The following CSMD2 variants were observed in gnomAD, a reference collection of about 807,000 sequenced individuals.
The protein encoded by CSMD2 is CUB and sushi domain-containing protein 2.
Under a neutral mutation model 398.5 loss-of-function variants are expected in CSMD2, and 130 were observed. The observed-to-expected ratio is 0.33, with a 90% CI of 0.28 to 0.38. The LOEUF (loss-of-function observed/expected upper bound fraction) is 0.38, where lower values mean the gene tolerates loss of function less well. Ranked by LOEUF, CSMD2 falls within the 10% of genes least tolerant of loss-of-function variation. The pLI is 1.00. For missense variants in CSMD2, 3,829 were observed against 4,764.9 expected (o/e 0.80, Z 5.78); for synonymous variants, 1,828 against 1,908.5 (o/e 0.96, Z 1.10).
chr1:34,069,100 T>C (rs1655431596), intron 2 of CSMD2, among the ~76,000 whole-genome samples: 1 of 152,216 alleles, frequency 6.6e-6, no homozygotes, highest in South Asian at 2.1e-4. Flanking sequence ...GCAGCCTGCA[T>C]GACATTGTTC....
At chr1:33,936,534 C>T (rs1644485625) in intron 3 of CSMD2, among the ~76,000 whole-genome samples, 1 of 152,176 alleles carries the variant, frequency 6.6e-6, no homozygotes, top group Non-Finnish European at 1.5e-5. Context: ...ATCAGCCTGA[C>T]TGGTTTAAAG....
chr1:33,698,728 C>T (rs369158781), intron 24 of CSMD2, 25 bp downstream of exon 24: 93 of 1,597,586 alleles, frequency 5.8e-5, no homozygotes, highest in Non-Finnish European at 7.5e-5. Context: ...CCCAAGGGTT[C>T]CCTGCAGAGG....
At chr1:33,943,018 A>G (rs1282183366) in intron 3 of CSMD2, among the ~76,000 whole-genome samples, 1 of 152,196 alleles carries the variant, frequency 6.6e-6, no homozygotes, top group Non-Finnish European at 1.5e-5. Context: ...TGGAGCCAGC[A>G]TTCTAGAATG....
intron 3 of CSMD2, among the ~76,000 whole-genome samples, chr1:33,964,598 C>T (rs1265172190): frequency 2.0e-5 from 3 of 152,216 alleles, no homozygotes; most frequent in African/African-American, 7.2e-5. Flanking sequence ...AACAAGACTT[C>T]TGCTTTTTTG....
intron 19 of CSMD2, among the ~76,000 whole-genome samples, chr1:33,720,677 G>C (rs1204031484): frequency 6.6e-6 from 1 of 152,168 alleles, no homozygotes; most frequent in Non-Finnish European, 1.5e-5. Context: ...CTATGAGGCT[G>C]TGCCAGCTAT....
intron 3 of CSMD2, among the ~76,000 whole-genome samples, chr1:34,016,317 C>T (rs1303081427): frequency 3.9e-5 from 6 of 151,960 alleles, no homozygotes; most frequent in African/African-American, 1.5e-4. Flanking sequence ...CCCCCCACCC[C>T]CAATAGGCCC....
At chr1:34,159,125 T>C (rs975637792) in intron 1 of CSMD2, among the ~76,000 whole-genome samples, 9 of 152,062 alleles carry the variant, frequency 5.9e-5, no homozygotes, top group Non-Finnish European at 1.3e-4. Flanking sequence ...TTACTGAGTG[T>C]CCACTATGTG....
intron 6 of CSMD2, among the ~76,000 whole-genome samples, chr1:33,835,691 A>G (rs1391244488): frequency 8.6e-6 from 1 of 116,164 alleles, no homozygotes; most frequent in African/African-American, 3.8e-5. Context: ...AACAAAACAA[A>G]AAAAACAAAC....
At chr1:33,643,522 A>T (rs1256923520) in intron 29 of CSMD2, among the ~76,000 whole-genome samples, 1 of 152,100 alleles carries the variant, frequency 6.6e-6, no homozygotes, top group Non-Finnish European at 1.5e-5. Context: ...GGCACTGGGC[A>T]CTCTGCTTGA....
chr1:33,606,229 C>T (rs1041785388), intron 41 of CSMD2, among the ~76,000 whole-genome samples: 11 of 152,140 alleles, frequency 7.2e-5, no homozygotes, highest in Non-Finnish European at 1.5e-4. Context: ...GCCTTCGTGG[C>T]AGTAATTGCG....
chr1:33,753,045 C>T (rs1385648810), intron 13 of CSMD2, among the ~76,000 whole-genome samples: 4 of 152,172 alleles, frequency 2.6e-5, no homozygotes, highest in African/African-American at 7.2e-5. Flanking sequence ...AAAGTTGGGA[C>T]TTACATTTGA....
At chr1:33,561,783 G>C (rs145647842) in intron 53 of CSMD2, among the ~76,000 whole-genome samples, 252 of 152,288 alleles carry the variant, frequency 1.7e-3, no homozygotes, top group African/African-American at 5.8e-3. Context: ...GCCAGGTCAA[G>C]AAGGTGGTGG....
intron 1 of CSMD2, among the ~76,000 whole-genome samples, chr1:34,142,480 C>T (rs1028250128): frequency 6.6e-6 from 1 of 152,166 alleles, no homozygotes; most frequent in African/African-American, 2.4e-5. Flanking sequence ...CTGGTGATCC[C>T]GTCACCATCT....
At chr1:34,024,666 A>G (rs952673583) in intron 3 of CSMD2, among the ~76,000 whole-genome samples, 1 of 152,222 alleles carries the variant, frequency 6.6e-6, no homozygotes, top group Non-Finnish European at 1.5e-5. Flanking sequence ...CTCAGGAAGC[A>G]CACACCATCC....
chr1:33,539,816 C>T (rs1656162883), intron 60 of CSMD2, among the ~76,000 whole-genome samples: 1 of 152,132 alleles, frequency 6.6e-6, no homozygotes, highest in Non-Finnish European at 1.5e-5. Flanking sequence ...ATACCTGTGT[C>T]CAGTTTTGAG....
At position 33,636,850 on chromosome 1, in the gene CSMD2, C is replaced by T. The variant is rs1642836512; in HGVS notation, c.4775-296G>A. On this transcript the variant is annotated intron_variant, in intron 29 of 70. Transcript: ENST00000373381. This position sits in a 1 kb window ranked among gnomAD's most constrained non-coding sequence, Gnocchi z 4.8. ...CGCTGAGGCCCTCTCTCATCCCCTGCTTGCTCCTCCCCAAGGGAAACATGT... is the reference window on the plus strand; with the variant it reads ...CGCTGAGGCCCTCTCTCATCCCCTGTTTGCTCCTCCCCAAGGGAAACATGT... Among the ~76,000 whole-genome samples, 1 of 152,182 alleles carries T rather than the reference C, an allele frequency of 6.6e-6. No individual in the cohort carries two copies.
At chr1:33,972,166 C>G (rs1039131814) in intron 3 of CSMD2, among the ~76,000 whole-genome samples, 1 of 152,104 alleles carries the variant, frequency 6.6e-6, no homozygotes, top group African/African-American at 2.4e-5. Context: ...GTGGGATGAA[C>G]AGGGCTTGAG....
chr1:33,541,704 C>A (rs1240441153), intron 58 of CSMD2, among the ~76,000 whole-genome samples: 2 of 152,190 alleles, frequency 1.3e-5, no homozygotes, highest in East Asian at 3.9e-4. Flanking sequence ...CCTTATGCAC[C>A]GCTGCAACTT....
At chr1:33,927,558 A>C (rs1244840684) in intron 4 of CSMD2, among the ~76,000 whole-genome samples, 1 of 152,130 alleles carries the variant, frequency 6.6e-6, no homozygotes, top group African/African-American at 2.4e-5. Flanking sequence ...GTGAGTTTTT[A>C]AGACTTCCTT....
Sources: gnomAD v4.1 joint callset for allele counts (sites outside exome capture counted in the v4.1 genomes callset) on GRCh38, gnomAD v4.1.1 for gene constraint, Gnocchi (gnomAD v3.1) non-coding constraint, MANE v1.5 for transcripts, NCBI Gene and HGNC (gene_info 2026-07-23, HGNC 2026-07-21) for gene names.